The following SBF2 variants were observed in gnomAD, a reference collection of about 807,000 sequenced individuals.
SBF2 encodes the protein SET binding factor 2, also known as myotubularin-related protein 13.
In SBF2, 112 loss-of-function variants were observed where a neutral mutation model predicts 225.2. That is an observed-to-expected ratio of 0.50 (90% CI 0.43 to 0.58). The LOEUF is 0.58. SBF2 is among the 20% of genes least tolerant of loss of function. The pLI, the probability that SBF2 is intolerant of heterozygous loss-of-function variation, is 0.00. For synonymous variants in SBF2, 763 were observed against 773.3 expected, an observed-to-expected ratio of 0.99 and a Z score of 0.22; for missense variants, 1,996 against 2,206.2, an observed-to-expected ratio of 0.90 and a Z score of 1.91.
intron 17 of SBF2, among the ~76,000 whole-genome samples, chr11:9,880,069 T>G (rs1424437602): frequency 2.6e-5 from 3 of 115,376 alleles, no homozygotes; most frequent in Admixed American, 1.3e-4. Flanking sequence ...GGACAATGAG[T>G]GAGACTCTGT....
chr11:9,986,998 C>G (rs1947225271), intron 13 of SBF2, among the ~76,000 whole-genome samples: 1 of 152,118 alleles, frequency 6.6e-6, no homozygotes, highest in African/African-American at 2.4e-5. Context: ...GACTAATATC[C>G]TTGATGAACA....
chr11:10,210,828 C>T lies in SBF2; in HGVS notation c.56-16841G>A, dbSNP rs552787900. Reference sequence around the variant, plus strand: ...AGGAGTTAGAGACCAGCCTGGCCAACGTGGTGAAACCCCGTCTCTGCTGAA... The same window carrying T: ...AGGAGTTAGAGACCAGCCTGGCCAATGTGGTGAAACCCCGTCTCTGCTGAA... On this transcript the variant is annotated intron_variant, in intron 1 of 39. Coordinates refer to ENST00000256190, the MANE Select transcript of SBF2 (RefSeq NM_030962.4). Among the ~76,000 whole-genome samples the T allele has an allele frequency of 5.3e-5, 8 of 151,974 alleles. 1 individual carries two copies. The highest frequency in any genetic ancestry group is 4.2e-4 in the South Asian group (2 of 4,806).
intron 2 of SBF2, among the ~76,000 whole-genome samples, chr11:10,082,026 C>A (rs1951387882): frequency 6.6e-6 from 1 of 151,864 alleles, no homozygotes; most frequent in African/African-American, 2.4e-5. Flanking sequence ...CAAATAAACA[C>A]AATCAGAAAA....
intron 16 of SBF2, among the ~76,000 whole-genome samples, chr11:9,921,560 A>G (rs1239227463): frequency 6.6e-6 from 1 of 152,232 alleles, no homozygotes; most frequent in Non-Finnish European, 1.5e-5. Flanking sequence ...AACATTCTAA[A>G]AAACTAGAAT....
At position 9,853,713 on chromosome 11, in the gene SBF2, C is replaced by T; in HGVS notation, c.2364-1G>A. On this transcript the variant is annotated splice_acceptor_variant, in intron 19 of 39. Transcript: ENST00000256190. LOFTEE classifies it high-confidence loss of function. ...GCTCTCAGCTACACTTCCTGCAATA[C>T]TAAGACAGTCAAGGAAAGAAATCAT... 6.2e-7 allele frequency: 1 copy of T among 1,613,738 alleles called. No individual in the cohort carries two copies.
intron 2 of SBF2, among the ~76,000 whole-genome samples, chr11:10,172,645 G>A (rs574599629): frequency 6.6e-6 from 1 of 152,118 alleles, no homozygotes; most frequent in African/African-American, 2.4e-5. Context: ...GAGCCACCAC[G>A]CCTGGCCAAT....
At chr11:10,249,608 T>C (rs903150597) in intron 1 of SBF2, among the ~76,000 whole-genome samples, 1 of 152,098 alleles carries the variant, frequency 6.6e-6, no homozygotes, top group East Asian at 1.9e-4. Flanking sequence ...GTTCATAATA[T>C]CAAGTGTTTT....
At chr11:9,814,474 T>C (rs1322663766) in intron 29 of SBF2, among the ~76,000 whole-genome samples, 1 of 152,056 alleles carries the variant, frequency 6.6e-6, no homozygotes, top group Non-Finnish European at 1.5e-5. Context: ...AATAATCTAA[T>C]AGGAAAAAAC....
chr11:9,871,761 G>C (rs57321195), intron 17 of SBF2, among the ~76,000 whole-genome samples: 10,783 of 152,090 alleles, frequency 0.071, 603 homozygotes, highest in East Asian at 0.29. Flanking sequence ...AAAGTGCTGG[G>C]ATTACAGGCA....
At chr11:10,188,405 T>C (rs1188331000) in intron 2 of SBF2, among the ~76,000 whole-genome samples, 1 of 147,690 alleles carries the variant, frequency 6.8e-6, no homozygotes, top group East Asian at 2.1e-4. Context: ...GGGTCAGGCC[T>C]GTGTAGCTCT....
chr11:9,930,626 T>G (rs528009546), intron 16 of SBF2, among the ~76,000 whole-genome samples: 1 of 152,270 alleles, frequency 6.6e-6, no homozygotes, highest in Non-Finnish European at 1.5e-5. Flanking sequence ...CTTGGGGAGA[T>G]CCGTTTCAAG....
chr11:9,859,576 T>G (rs1338874781), intron 17 of SBF2, among the ~76,000 whole-genome samples: 2 of 152,220 alleles, frequency 1.3e-5, no homozygotes, highest in African/African-American at 4.8e-5. Flanking sequence ...AGAACTAAAG[T>G]TTCTGATAAG....
intron 1 of SBF2, among the ~76,000 whole-genome samples, chr11:10,195,873 C>T (rs1448522637): frequency 1.3e-5 from 2 of 152,028 alleles, no homozygotes; most frequent in African/African-American, 4.8e-5. Flanking sequence ...AAGAGTAAAC[C>T]AACTTTTTAT....
chr11:10,107,144 C>T (rs1210287982), intron 2 of SBF2, among the ~76,000 whole-genome samples: 1 of 152,098 alleles, frequency 6.6e-6, no homozygotes, highest in Non-Finnish European at 1.5e-5. Context: ...TAAATAAGTC[C>T]AGGCCATTCA....
At chr11:10,077,191 T>C (rs1039014449) in intron 2 of SBF2, among the ~76,000 whole-genome samples, 2 of 152,082 alleles carry the variant, frequency 1.3e-5, no homozygotes. Flanking sequence ...TGCTCATGGA[T>C]AGGAAGAACC....
intron 17 of SBF2, among the ~76,000 whole-genome samples, chr11:9,883,583 C>G (rs1037040172): frequency 2.6e-5 from 4 of 152,112 alleles, no homozygotes; most frequent in African/African-American, 9.7e-5. Context: ...AGGAAGTGTT[C>G]AGTCAATGCT....
intron 1 of SBF2, among the ~76,000 whole-genome samples, chr11:10,220,778 T>C (rs367552377): frequency 8.5e-5 from 13 of 152,160 alleles, no homozygotes; most frequent in African/African-American, 2.9e-4. Flanking sequence ...CCTTTCCCCA[T>C]ATATACCCTA....
intron 3 of SBF2, among the ~76,000 whole-genome samples, chr11:10,034,158 T>C (rs1949356468): frequency 6.6e-6 from 1 of 152,218 alleles, no homozygotes; most frequent in Non-Finnish European, 1.5e-5. Flanking sequence ...ACTAAATATC[T>C]CACATTGACT....
intron 2 of SBF2, among the ~76,000 whole-genome samples, chr11:10,130,480 G>A (rs1264919782): frequency 6.6e-6 from 1 of 151,884 alleles, no homozygotes; most frequent in East Asian, 1.9e-4. Context: ...GCAATACAAT[G>A]AGGTCCCCTG....
Sources: gnomAD v4.1 joint callset for allele counts (sites outside exome capture counted in the v4.1 genomes callset) on GRCh38, gnomAD v4.1.1 for gene constraint, MANE v1.5 for transcripts, NCBI Gene and HGNC (gene_info 2026-07-23, HGNC 2026-07-21) for gene names.